Variants in PRPSAP1 observed in about 807,000 individuals in gnomAD.
PRPSAP1 encodes phosphoribosyl pyrophosphate synthase-associated protein 1.
Under a neutral mutation model 39.4 loss-of-function variants are expected in PRPSAP1, and 31 were observed. The observed-to-expected ratio is 0.79, with a 90% CI of 0.59 to 1.06. PRPSAP1 has a LOEUF of 1.06. PRPSAP1 is among the 50% of genes least tolerant of loss of function. The probability of loss-of-function intolerance (pLI) is 0.00; values close to 1 mark genes in which losing one functional copy is unlikely to be tolerated. For synonymous variants in PRPSAP1, 212 were observed against 192.6 expected (o/e 1.10, Z -0.83); for missense variants, 430 against 511.6 (o/e 0.84, Z 1.54).
chr17:76,344,127 A>G (rs1433846645), intron 3 of PRPSAP1, among the ~76,000 whole-genome samples: 2 of 144,706 alleles, frequency 1.4e-5, no homozygotes, highest in African/African-American at 5.2e-5. Flanking sequence ...TTTTTTATTC[A>G]TTTATTTTGT....
Position 76,314,201 on chromosome 17 carries a change from A to AATGTATGTATGTATGTATGT in PRPSAP1, c.782-330_782-311dup, listed in dbSNP as rs58359232. 3.1e-3 allele frequency: 1,108 copies of AATGTATGTATGTATGTATGT among 359,066 alleles called. 16 individuals are homozygous for AATGTATGTATGTATGTATGT. The highest frequency in any genetic ancestry group is 0.014 in the African/African-American group (611 of 42,342). 22.2% of individuals were successfully genotyped at this position (359,066 alleles called of 1,614,324 possible). The stretch of plus-strand genomic sequence containing the variant: ...AATTTCAACATGTAACTGATATAAA[A>AATGTATGTATGTATGTATGT]ATGTATGTATGTATGTATGTATGTA... On this transcript the variant is annotated intron_variant, in intron 7 of 9. Coordinates refer to ENST00000446526, the MANE Select transcript of PRPSAP1 (RefSeq NM_002766.3).
intron 6 of PRPSAP1, 104 bp from the exon 7 acceptor site, chr17:76,328,966 A>G: frequency 7.7e-7 from 1 of 1,300,548 alleles, no homozygotes; most frequent in Non-Finnish European, 1.0e-6. Flanking sequence ...CGTTTCAGGG[A>G]CATACAAAGG....
At position 76,322,345 on chromosome 17, in the gene PRPSAP1, G is replaced by A. The variant is rs575816087; in HGVS notation, c.781+6372C>T. ...CAGGAGGTGAAGATTGCACTAAGCC[G>A]AGATCGTGCCATTGCACTCCAGCCT... On this transcript the variant is annotated intron_variant, in intron 7 of 9. Transcript: ENST00000446526. Among the ~76,000 whole-genome samples, 19 of 152,276 alleles carry A rather than the reference G, an allele frequency of 1.2e-4. No homozygotes were observed. The East Asian group carries it at 3.1e-3, about 25-fold the overall frequency.
In PRPSAP1 at chr17:76,313,029, CAG is replaced by C; in HGVS notation, c.853-15_853-14del. The C allele has an allele frequency of 6.2e-7, 1 of 1,612,526 alleles. No individual in the cohort carries two copies. Among genetic ancestry groups the C allele is most frequent in the Non-Finnish European group, 8.5e-7 (1 of 1,179,466 alleles). The stretch of plus-strand genomic sequence containing the variant: ...CAATAATGTCATCCTGGGAGGAGAA[CAG>C]AGTGAGTTGGTAGGAAAGAAACACC... On this transcript the variant is annotated splice_polypyrimidine_tract_variant and intron_variant, in intron 8 of 9. Transcript: ENST00000446526.
In PRPSAP1 at chr17:76,311,534, C is replaced by G; in HGVS notation, c.*8G>C. ...TCAGGAGGTCCAGGGTCGAGACCCTCGTGAAAGCTAGTCATCCACAGTGAT... is the reference window on the plus strand; with the variant it reads ...TCAGGAGGTCCAGGGTCGAGACCCTGGTGAAAGCTAGTCATCCACAGTGAT... On this transcript the variant is annotated 3_prime_UTR_variant, in exon 10 of 10. Transcript: ENST00000446526. 1.2e-6 allele frequency: 2 copies of G among 1,612,756 alleles called. No homozygotes were observed. Among genetic ancestry groups the G allele is most frequent in the Non-Finnish European group, 1.7e-6 (2 of 1,179,344 alleles).
chr17:76,344,685 T>C lies in PRPSAP1; in HGVS notation c.276A>G (p.Ile92Met), dbSNP rs1567809117. Residue 92 changes from isoleucine (I) to methionine (M), a missense_variant, in exon 3 of 10, where the codon ATA becomes ATG. By Grantham distance (10) the Ile-to-Met change is conservative. Around this residue, in one of 2 missense-constraint regions of PRPSAP1, gnomAD observed 152 missense variants for 135.2 expected, o/e 1.12. Transcript: ENST00000446526. ...AGTCCTCTTACCTGGGTATTGTCTG[T>C]ATAATGAAAATATCTTGGCCACGAA... is the stretch of plus-strand genomic sequence containing the variant. ...ESVRGQDIFI[I>M]QTIPRDVNTA... is the part of the protein sequence containing the mutation. 1 of 1,575,054 alleles carries C rather than the reference T, an allele frequency of 6.3e-7. No homozygotes were observed.
chr17:76,333,945 G>A (rs1307916765), intron 3 of PRPSAP1, among the ~76,000 whole-genome samples: 2 of 152,158 alleles, frequency 1.3e-5, no homozygotes, highest in Non-Finnish European at 2.9e-5. Context: ...CTAGAGTGCA[G>A]TGGTACAATC....
chr17:76,334,125 A>G (rs1005582849), intron 3 of PRPSAP1, among the ~76,000 whole-genome samples: 11 of 152,170 alleles, frequency 7.2e-5, no homozygotes, highest in African/African-American at 2.4e-4. Context: ...CACTTCTCAC[A>G]TTAGCTTCCT....
At chr17:76,353,159 T>C (rs2071597901) in intron 1 of PRPSAP1, 1 of 188,640 alleles carries the variant, frequency 5.3e-6, no homozygotes, top group Non-Finnish European at 1.1e-5. Context: ...GGCGGTCAGA[T>C]TCCCAGGTCA....
chr17:76,353,601 TG>T lies in PRPSAP1; in HGVS notation c.102del (p.Thr35ProfsTer46). 6.4e-7 allele frequency: 1 copy of T among 1,559,380 alleles called. No homozygotes were observed. The highest frequency in any genetic ancestry group is 8.6e-7 in the Non-Finnish European group (1 of 1,157,904). On this transcript the variant is annotated frameshift_variant, in exon 1 of 10. Transcript: ENST00000446526. LOFTEE classifies it high-confidence loss of function. ...PVPPPAMNAA[R>X]TGYRVFSANS... ...TTGGCCGAGAAGACTCGGTAGCCGG[TG>T]CGAGCGGCGTTCATGGCCGGCGGGG...
At chr17:76,344,220 T>G (rs1209533126) in intron 3 of PRPSAP1, among the ~76,000 whole-genome samples, 3 of 152,164 alleles carry the variant, frequency 2.0e-5, no homozygotes, top group South Asian at 2.1e-4. Flanking sequence ...CTCTGCCTCC[T>G]GGGTTCACGC....
At chr17:76,316,626 G>C (rs1180828326) in intron 7 of PRPSAP1, among the ~76,000 whole-genome samples, 1 of 152,158 alleles carries the variant, frequency 6.6e-6, no homozygotes, top group South Asian at 2.1e-4. Flanking sequence ...ACTACCCTAA[G>C]TTTAGATTCT....
At chr17:76,316,183 A>G (rs1276690026) in intron 7 of PRPSAP1, among the ~76,000 whole-genome samples, 2 of 145,964 alleles carry the variant, frequency 1.4e-5, no homozygotes, top group African/African-American at 5.4e-5. Context: ...CTAAAAAAAA[A>G]AAAAAAAAGA....
At chr17:76,350,486 G>A (rs2071556955) in intron 1 of PRPSAP1, among the ~76,000 whole-genome samples, 1 of 151,774 alleles carries the variant, frequency 6.6e-6, no homozygotes, top group Admixed American at 6.6e-5. Flanking sequence ...ACATGAGGGA[G>A]CCTTGGACAA....
chr17:76,344,726 C>T lies in PRPSAP1; in HGVS notation c.235G>A (p.Glu79Lys). 6.3e-7 allele frequency: 1 copy of T among 1,575,492 alleles called. No homozygotes were observed. Among genetic ancestry groups the T allele is most frequent in the South Asian group, 1.1e-5 (1 of 87,824 alleles). ...TGGCCACGAACAGATTCTTTTATTTCAACTCTTGTTTCTGAAAAATAAAAA... is the reference window on the plus strand; with the variant it reads ...TGGCCACGAACAGATTCTTTTATTTTAACTCTTGTTTCTGAAAAATAAAAA... ...YQETNGETRV[E>K]IKESVRGQDI... is the part of the protein sequence containing the mutation. Residue 79 changes from glutamate (E) to lysine (K), a missense_variant, in exon 3 of 10, where the codon GAA becomes AAA. Around this residue, in one of 2 missense-constraint regions of PRPSAP1, gnomAD observed 152 missense variants for 135.2 expected, o/e 1.12. Transcript: ENST00000446526.
At chr17:76,338,046 C>CT (rs2071397383) in intron 3 of PRPSAP1, among the ~76,000 whole-genome samples, 1 of 152,162 alleles carries the variant, frequency 6.6e-6, no homozygotes, top group East Asian at 1.9e-4. Flanking sequence ...TGGAAAATCT[C>CT]TGAGTATCGC....
chr17:76,313,468 C>T (rs1208599571), intron 8 of PRPSAP1: 6 of 294,122 alleles, frequency 2.0e-5, no homozygotes, highest in Non-Finnish European at 3.8e-5. Context: ...TGCACGGGGA[C>T]ACCCATTCTT....
rs531389124 is a variant in PRPSAP1 at position 76,319,630 on chromosome 17, G to A, written c.782-5739C>T. Reference sequence around the variant, plus strand: ...ATTACAGGTGCCCGCCACCATGCTCGGCTAATTTTTGTAATTTTAGTAGAG... The same window carrying A: ...ATTACAGGTGCCCGCCACCATGCTCAGCTAATTTTTGTAATTTTAGTAGAG... On this transcript the variant is annotated intron_variant, in intron 7 of 9. Coordinates refer to ENST00000446526, the MANE Select transcript of PRPSAP1 (RefSeq NM_002766.3). Among the ~76,000 whole-genome samples the A allele has an allele frequency of 3.9e-4, 59 of 151,912 alleles. No homozygotes were observed. The South Asian group carries it at 4.0e-3, about 10-fold the overall frequency.
chr17:76,313,030 AGAGT>A lies in PRPSAP1; in HGVS notation c.853-18_853-15del, dbSNP rs2071086266. Reference sequence around the variant, plus strand: ...AATAATGTCATCCTGGGAGGAGAACAGAGTGAGTTGGTAGGAAAGAAACACCCTC... The same window carrying A: ...AATAATGTCATCCTGGGAGGAGAACAGAGTTGGTAGGAAAGAAACACCCTC... On this transcript the variant is annotated splice_polypyrimidine_tract_variant and intron_variant, in intron 8 of 9. Transcript: ENST00000446526. 6.2e-7 allele frequency: 1 copy of A among 1,612,502 alleles called. No individual in the cohort carries two copies. The highest frequency in any genetic ancestry group is 8.5e-7 in the Non-Finnish European group (1 of 1,179,456).
Sources: gnomAD v4.1 joint callset for allele counts (sites outside exome capture counted in the v4.1 genomes callset) on GRCh38, gnomAD v4.1.1 for gene constraint, gnomAD v4.1.1 regional missense constraint, MANE v1.5 for transcripts, NCBI Gene and HGNC (gene_info 2026-07-23, HGNC 2026-07-21) for gene names.